ZNF277: variants seen among roughly 807,000 people sequenced by gnomAD.
ZNF277 encodes the protein nuclear receptor-interacting factor 4.
A neutral mutation model predicts 60.7 loss-of-function variants in ZNF277; 55 were observed. The observed-to-expected ratio is 0.91, with a 90% CI of 0.73 to 1.13. ZNF277 has a LOEUF of 1.13. Among genes scored for constraint, ZNF277 ranks in the 50% most tolerant of loss-of-function variants. The pLI is 0.00. For synonymous variants in ZNF277, 178 were observed against 179.3 expected, an observed-to-expected ratio of 0.99 and a Z score of 0.06; for missense variants, 510 against 523.0, an observed-to-expected ratio of 0.98 and a Z score of 0.24.
intron 1 of ZNF277, among the ~76,000 whole-genome samples, chr7:112,225,682 C>T (rs1304023418): frequency 6.6e-6 from 1 of 152,208 alleles, no homozygotes; most frequent in East Asian, 1.9e-4. Flanking sequence ...AAATTAAAGA[C>T]AAACTAAGAC....
chr7:112,314,890 G>C (rs1446098451), intron 4 of ZNF277, among the ~76,000 whole-genome samples: 1 of 151,978 alleles, frequency 6.6e-6, no homozygotes, highest in African/African-American at 2.4e-5. Flanking sequence ...AGAAAACAAG[G>C]ATCCATTAAG....
chr7:112,323,321 A>C (rs79890139), intron 5 of ZNF277, among the ~76,000 whole-genome samples: 2,312 of 152,358 alleles, frequency 0.015, 58 homozygotes, highest in African/African-American at 0.052. Context: ...TGCTGCAATT[A>C]GTATTGCCTC....
intron 5 of ZNF277, among the ~76,000 whole-genome samples, chr7:112,325,367 CT>C: frequency 6.6e-6 from 1 of 152,274 alleles, no homozygotes; most frequent in East Asian, 1.9e-4. Flanking sequence ...CTGACTTTGC[CT>C]TCACTCAGTC....
At chr7:112,237,065 C>G (rs1045069733) in intron 1 of ZNF277, among the ~76,000 whole-genome samples, 3 of 152,060 alleles carry the variant, frequency 2.0e-5, no homozygotes, top group African/African-American at 7.2e-5. Flanking sequence ...AACCAGAAAT[C>G]AATTCCAAAA....
intron 1 of ZNF277, among the ~76,000 whole-genome samples, chr7:112,254,314 A>T (rs934671969): frequency 6.6e-6 from 1 of 152,194 alleles, no homozygotes; most frequent in African/African-American, 2.4e-5. Context: ...TTTACATGCC[A>T]TACTCCAAAC....
At chr7:112,234,955 A>G (rs1822446843) in intron 1 of ZNF277, among the ~76,000 whole-genome samples, 2 of 151,828 alleles carry the variant, frequency 1.3e-5, no homozygotes, top group Non-Finnish European at 2.9e-5. Flanking sequence ...AAGGAGTCTT[A>G]TATAGTAAGG....
chr7:112,324,418 C>T (rs1219222457), intron 5 of ZNF277, among the ~76,000 whole-genome samples: 1 of 152,022 alleles, frequency 6.6e-6, no homozygotes, highest in African/African-American at 2.4e-5. Flanking sequence ...CATTTAATTT[C>T]CCATAAATTA....
intron 4 of ZNF277, among the ~76,000 whole-genome samples, chr7:112,316,760 T>C (rs1056177082): frequency 6.6e-6 from 1 of 152,082 alleles, no homozygotes; most frequent in African/African-American, 2.4e-5. Flanking sequence ...CTCAAGGATC[T>C]TGAGCCAGAA....
Position 112,242,097 on chromosome 7 carries a change from T to C in ZNF277, c.91+35290T>C, listed in dbSNP as rs1457573046. ...TATGCACCATATGCCTGTGTCAAAA[T>C]ATCTTATGTACCCCATAAATAAACA... is the stretch of plus-strand genomic sequence containing the variant. On this transcript the variant is annotated intron_variant, in intron 1 of 11. Coordinates refer to ENST00000361822, the MANE Select transcript of ZNF277 (RefSeq NM_021994.3). 2.0e-5 allele frequency among the ~76,000 whole-genome samples: 3 copies of C among 152,050 alleles called. No homozygotes were observed. In the East Asian group the frequency reaches 5.8e-4, roughly 29 times the overall value.
chr7:112,255,259 C>T lies in ZNF277; in HGVS notation c.92-31614C>T, dbSNP rs6466405. On this transcript the variant is annotated intron_variant, in intron 1 of 11. Transcript: ENST00000361822. ...AAGTGATTTTTTTTGGAAACTATGA[C>T]TTAGCAAAAAATAGGAAGCAGATAT... Among the ~76,000 whole-genome samples, 1,154 of 151,982 alleles carry T rather than the reference C, an allele frequency of 7.6e-3. 10 individuals carry two copies. The highest frequency in any genetic ancestry group is 0.026 in the African/African-American group (1,079 of 41,448).
chr7:112,322,750 C>A (rs78265532), intron 5 of ZNF277, among the ~76,000 whole-genome samples: 3 of 151,942 alleles, frequency 2.0e-5, no homozygotes, highest in Non-Finnish European at 4.4e-5. Context: ...TGCTTTCTTC[C>A]CCCATGTATG....
At chr7:112,315,990 C>A in intron 4 of ZNF277, among the ~76,000 whole-genome samples, 1 of 152,048 alleles carries the variant, frequency 6.6e-6, no homozygotes, top group African/African-American at 2.4e-5. Flanking sequence ...AGCTCTGTAT[C>A]GACATGTGCT....
rs116505545 is a variant in ZNF277, at chr7:112,296,450, G to A, written c.465+139G>A. On this transcript the variant is annotated intron_variant, in intron 4 of 11. Coordinates refer to ENST00000361822, the MANE Select transcript of ZNF277 (RefSeq NM_021994.3). ...GTAAAAGAGGAGACAATACAAAAAG[G>A]TCTTAAAACAAAAAAAAAGTATACA... 2,265 of 422,020 alleles carry A rather than the reference G, an allele frequency of 5.4e-3. 50 individuals are homozygous for A. The highest frequency in any genetic ancestry group is 0.044 in the African/African-American group (2,070 of 46,732). The allele number at this position is 422,020 out of a possible 1,614,324, so 26.1% of individuals were successfully genotyped here. A position where few individuals can be genotyped will look rare whatever the true frequency, so the allele number is the denominator to read the frequency against.
In ZNF277 at chr7:112,256,424, T is replaced by G. The variant is rs953140637; in HGVS notation, c.92-30449T>G. Among the ~76,000 whole-genome samples the G allele has an allele frequency of 5.0e-4, 64 of 127,452 alleles. No homozygotes were observed. The East Asian group carries it at 0.013, about 25-fold the overall frequency. 83.6% of individuals were successfully genotyped at this position (127,452 alleles called of 152,430 possible). On this transcript the variant is annotated intron_variant, in intron 1 of 11. Coordinates refer to ENST00000361822, the MANE Select transcript of ZNF277 (RefSeq NM_021994.3). ...TCCATTAATTAACTTCTTTGGAGTT[T>G]TTTTTTTTTTTTTTTTTTTTTTTGA...
chr7:112,288,647 A>T (rs976603898), intron 2 of ZNF277: 1 of 154,450 alleles, frequency 6.5e-6, no homozygotes. Flanking sequence ...TCTGGCTGTG[A>T]CATCTGTCAC....
chr7:112,307,870 C>T (rs775418560), intron 4 of ZNF277, among the ~76,000 whole-genome samples: 11 of 151,750 alleles, frequency 7.2e-5, no homozygotes, highest in Middle Eastern at 3.4e-3. Context: ...TACATACATA[C>T]ATATGTATTT....
rs1417860563 is a variant in ZNF277 at position 112,343,537 on chromosome 7, A to G, written c.*808A>G. Reference sequence around the variant, plus strand: ...CAGTTTCATTACTGATGAATATTATATGCCTCCTGATAAGATGTACTGAGG... The same window carrying G: ...CAGTTTCATTACTGATGAATATTATGTGCCTCCTGATAAGATGTACTGAGG... On this transcript the variant is annotated 3_prime_UTR_variant, in exon 12 of 12. Transcript: ENST00000361822. Among the ~76,000 whole-genome samples the G allele has an allele frequency of 6.6e-6, 1 of 152,178 alleles. No homozygotes were observed. The highest frequency in any genetic ancestry group is 1.5e-5 in the Non-Finnish European group (1 of 68,034).
Position 112,342,740 on chromosome 7 carries a change from A to C in ZNF277, c.*11A>C. ...CAGTTGCTACTATAAGAGTACTTGA[A>C]AACCTAGAAGAAACTACCACAGAAG... is the stretch of plus-strand genomic sequence containing the variant. On this transcript the variant is annotated 3_prime_UTR_variant, in exon 12 of 12. Transcript: ENST00000361822. The C allele has an allele frequency of 3.2e-6, 5 of 1,548,152 alleles. No individual in the cohort carries two copies. Among genetic ancestry groups the C allele is most frequent in the Non-Finnish European group, 4.4e-6 (5 of 1,147,242 alleles).
chr7:112,336,775 A>T (rs1212996668), intron 8 of ZNF277, among the ~76,000 whole-genome samples: 1 of 152,182 alleles, frequency 6.6e-6, no homozygotes, highest in Non-Finnish European at 1.5e-5. Context: ...AATTTTCTTG[A>T]TGCATAGAGA....
Sources: gnomAD v4.1 joint callset for allele counts (sites outside exome capture counted in the v4.1 genomes callset) on GRCh38, gnomAD v4.1.1 for gene constraint, MANE v1.5 for transcripts, NCBI Gene and HGNC (gene_info 2026-07-23, HGNC 2026-07-21) for gene names.